Variants in CDH20 observed in about 807,000 individuals in gnomAD.
CDH20 encodes the protein cadherin 20.
A neutral mutation model predicts 74.2 loss-of-function variants in CDH20; 29 were observed. The observed-to-expected ratio is 0.39, with a 90% CI of 0.29 to 0.53. The LOEUF is 0.53. Among genes scored for constraint, CDH20 ranks in the 20% least tolerant of loss-of-function variants. The probability of loss-of-function intolerance (pLI) is 0.69; values close to 1 mark genes in which losing one functional copy is unlikely to be tolerated. For synonymous variants in CDH20, 469 were observed against 405.4 expected (o/e 1.16, Z -1.88); for missense variants, 988 against 1,048.3 (o/e 0.94, Z 0.79).
chr18:61,494,256 C>T (rs1433064161), intron 2 of CDH20, among the ~76,000 whole-genome samples: 1 of 152,214 alleles, frequency 6.6e-6, no homozygotes, highest in Non-Finnish European at 1.5e-5. Flanking sequence ...AGGACACACA[C>T]AGGAGTCAGT....
At chr18:61,354,353 G>T (rs546180749) in intron 1 of CDH20, among the ~76,000 whole-genome samples, 1 of 152,234 alleles carries the variant, frequency 6.6e-6, no homozygotes, top group African/African-American at 2.4e-5. Flanking sequence ...CACGCCTGTG[G>T]TCCCAGAACT....
At chr18:61,544,353 G>C (rs1372946026) in intron 9 of CDH20, among the ~76,000 whole-genome samples, 1 of 152,234 alleles carries the variant, frequency 6.6e-6, no homozygotes, top group Admixed American at 6.5e-5. Flanking sequence ...CAGACGGCTT[G>C]TATTAGCTCA....
intron 1 of CDH20, among the ~76,000 whole-genome samples, chr18:61,347,319 TACACAC>T (rs33985303): frequency 0.27 from 20,199 of 75,706 alleles, 2,598 homozygotes; most frequent in Non-Finnish European, 0.31. Context: ...TATATATATA[TACACAC>T]ACACACACAC....
At chr18:61,418,677 G>A (rs1228697083) in intron 1 of CDH20, among the ~76,000 whole-genome samples, 1 of 151,458 alleles carries the variant, frequency 6.6e-6, no homozygotes. Context: ...AGGTATAAAG[G>A]CTATATAAAT....
At chr18:61,419,655 C>CT (rs967089310) in intron 1 of CDH20, among the ~76,000 whole-genome samples, 7 of 151,194 alleles carry the variant, frequency 4.6e-5, no homozygotes, top group South Asian at 2.1e-4. Flanking sequence ...TGTAAAATCT[C>CT]TTTTTTTTTC....
At chr18:61,465,031 C>G (rs940163569) in intron 1 of CDH20, among the ~76,000 whole-genome samples, 2 of 152,224 alleles carry the variant, frequency 1.3e-5, no homozygotes, top group Non-Finnish European at 2.9e-5. Context: ...TGGAATCAAT[C>G]ATTTCAAAAT....
chr18:61,507,568 A>C lies in CDH20; in HGVS notation c.1017+8A>C, dbSNP rs1460751800. 6.3e-7 allele frequency: 1 copy of C among 1,593,426 alleles called. No individual in the cohort carries two copies. The highest frequency in any genetic ancestry group is 8.6e-7 in the Non-Finnish European group (1 of 1,168,532). ...ATCATAACTGTGAAGAAGGTAATCC[A>C]ACTCCTTTTTCTAAACCACTTTCAT... On this transcript the variant is annotated splice_region_variant and intron_variant, in intron 6 of 11. Coordinates refer to ENST00000262717, the MANE Select transcript of CDH20 (RefSeq NM_031891.4).
At position 61,544,224 on chromosome 18, in the gene CDH20, G is replaced by A. The variant is rs374739217; in HGVS notation, c.1531-803G>A. 9.8e-5 allele frequency among the ~76,000 whole-genome samples: 15 copies of A among 152,326 alleles called. No homozygotes were observed. The South Asian group carries it at 1.5e-3, about 15-fold the overall frequency. On this transcript the variant is annotated intron_variant, in intron 9 of 11. Transcript: ENST00000262717. ...AAACCCCTAGGGGAAGCATGCAGAC[G>A]GGCAGGTGCAGAAGCCATGGGGAGC...
intron 1 of CDH20, among the ~76,000 whole-genome samples, chr18:61,435,281 A>G (rs1033437186): frequency 6.6e-6 from 1 of 152,154 alleles, no homozygotes; most frequent in Non-Finnish European, 1.5e-5. Flanking sequence ...GTACCACTAT[A>G]TACTACACAC....
intron 1 of CDH20, among the ~76,000 whole-genome samples, chr18:61,352,802 C>A (rs1019603433): frequency 6.6e-6 from 1 of 152,142 alleles, no homozygotes; most frequent in African/African-American, 2.4e-5. Context: ...CCTGTAACTG[C>A]CCAACACAAA....
chr18:61,405,240 G>T (rs536895902), intron 1 of CDH20: 1 of 377,496 alleles, frequency 2.6e-6, no homozygotes, highest in South Asian at 2.3e-5. Flanking sequence ...CCCCCAACCA[G>T]GAGCTGCTGC....
chr18:61,525,856 C>T (rs974355205), intron 6 of CDH20, among the ~76,000 whole-genome samples: 14 of 151,880 alleles, frequency 9.2e-5, no homozygotes, highest in East Asian at 1.9e-4. Context: ...ACTCAGGCTA[C>T]GGTGCAGTGG....
At chr18:61,468,710 G>A (rs1910054511) in intron 1 of CDH20, among the ~76,000 whole-genome samples, 1 of 152,156 alleles carries the variant, frequency 6.6e-6, no homozygotes, top group African/African-American at 2.4e-5. Flanking sequence ...CGCTTCCATT[G>A]CAGCAAGCTG....
At chr18:61,491,451 A>G (rs1015892763) in intron 2 of CDH20, among the ~76,000 whole-genome samples, 14 of 152,200 alleles carry the variant, frequency 9.2e-5, no homozygotes, top group Admixed American at 9.2e-4. Context: ...ACAAGAAACT[A>G]ATTAGAAAAT....
chr18:61,419,185 G>A (rs989921117), intron 1 of CDH20, among the ~76,000 whole-genome samples: 8 of 151,868 alleles, frequency 5.3e-5, no homozygotes, highest in Non-Finnish European at 8.8e-5. Flanking sequence ...TACCTCAGCC[G>A]CCCGAGAAGC....
At chr18:61,394,260 GA>G (rs1911889113) in intron 1 of CDH20, among the ~76,000 whole-genome samples, 2 of 152,218 alleles carry the variant, frequency 1.3e-5, no homozygotes, top group Admixed American at 6.5e-5. Flanking sequence ...ATATAGTCTG[GA>G]ATGTCTCCCC....
intron 6 of CDH20, among the ~76,000 whole-genome samples, chr18:61,521,101 C>G (rs912891248): frequency 1.3e-5 from 2 of 150,640 alleles, no homozygotes; most frequent in Non-Finnish European, 2.9e-5. Flanking sequence ...GATAGAGACA[C>G]AAAAAAACCT....
intron 1 of CDH20, among the ~76,000 whole-genome samples, chr18:61,341,587 C>G (rs1189702877): frequency 6.6e-6 from 1 of 152,174 alleles, no homozygotes; most frequent in Non-Finnish European, 1.5e-5. Context: ...TTCCCTGCAT[C>G]AAAGACTTCA....
chr18:61,473,043 A>G (rs2144385559), intron 1 of CDH20, among the ~76,000 whole-genome samples: 1 of 152,350 alleles, frequency 6.6e-6, no homozygotes, highest in Admixed American at 6.5e-5. Context: ...TTTTTGCTCA[A>G]ATAATATCAA....
Sources: gnomAD v4.1 joint callset for allele counts (sites outside exome capture counted in the v4.1 genomes callset) on GRCh38, gnomAD v4.1.1 for gene constraint, MANE v1.5 for transcripts, NCBI Gene and HGNC (gene_info 2026-07-23, HGNC 2026-07-21) for gene names.